HADHA: variants seen among roughly 807,000 people sequenced by gnomAD.
HADHA encodes trifunctional enzyme subunit alpha, mitochondrial.
In HADHA, 59 loss-of-function variants were observed where a neutral mutation model predicts 91.3. That is an observed-to-expected ratio of 0.65 (90% CI 0.52 to 0.80). The LOEUF is 0.80. HADHA is among the 30% of genes least tolerant of loss of function. The pLI, the probability that HADHA is intolerant of heterozygous loss-of-function variation, is 0.00. For missense variants in HADHA, 800 were observed against 927.6 expected (o/e 0.86, Z 1.79); for synonymous variants, 320 against 338.9 (o/e 0.94, Z 0.61).
intron 13 of HADHA, among the ~76,000 whole-genome samples, chr2:26,198,383 T>G (rs1041369156): frequency 4.6e-4 from 70 of 152,032 alleles, no homozygotes; most frequent in African/African-American, 1.5e-3. Context: ...TTTTTTTGTT[T>G]TTTTTTTTTA....
At chr2:26,242,641 G>A (rs1478059793) in intron 1 of HADHA, among the ~76,000 whole-genome samples, 2 of 152,182 alleles carry the variant, frequency 1.3e-5, no homozygotes. Context: ...ACACAAGGTG[G>A]TATTATTCCC....
In HADHA at chr2:26,191,562, C is replaced by CCACATGTGAATG; in HGVS notation, c.2066_2067insCATTCACATGTG (p.Leu689_Gln690insIleHisMetTrp). On this transcript the variant is annotated inframe_insertion, in exon 19 of 20. Transcript: ENST00000380649. ...CAGGTGTGGCCAAGATCCCCTCTTG[C>CCACATGTGAATG]AGGCACATGACTGCCTCATTCACAA... 1 of 1,614,152 alleles carries CCACATGTGAATG rather than the reference C, an allele frequency of 6.2e-7. No homozygotes were observed.
In HADHA at chr2:26,192,420, A is replaced by G. The variant is rs1331075824; in HGVS notation, c.1890T>C (p.Arg630=). The change falls in exon 18 of 20, where the codon CGT becomes CGC. Residue 630 remains arginine, a synonymous_variant. Coordinates refer to ENST00000380649, the MANE Select transcript of HADHA (RefSeq NM_000182.5). ...AGATGTAAAAGCCCTTCCCAGATTT[A>G]CGACCTAAAACAGGCAAGAAAAGGG... The part of the protein sequence containing the change: ...TQMVSKGFLG[R]KSGKGFYIYQ... 9 of 1,514,640 alleles carry G rather than the reference A, an allele frequency of 5.9e-6. No individual in the cohort carries two copies. Among genetic ancestry groups the G allele is most frequent in the East Asian group, 2.2e-5 (1 of 44,462 alleles). 93.8% of individuals were successfully genotyped at this position (1,514,640 alleles called of 1,614,324 possible). A position where few individuals can be genotyped will look rare whatever the true frequency, so the allele number is the denominator to read the frequency against.
intron 10 of HADHA, among the ~76,000 whole-genome samples, chr2:26,211,263 T>A (rs990999496): frequency 5.9e-5 from 9 of 152,334 alleles, no homozygotes; most frequent in Non-Finnish European, 4.4e-5. Context: ...GTTATATTTT[T>A]AAAAAATCAG....
chr2:26,216,735 G>A (rs1230491486), intron 7 of HADHA, among the ~76,000 whole-genome samples: 1 of 152,130 alleles, frequency 6.6e-6, no homozygotes, highest in Non-Finnish European at 1.5e-5. Flanking sequence ...TAATCCTGAG[G>A]GAGGCCAGGG....
chr2:26,228,249 G>A (rs2147778602), intron 7 of HADHA, among the ~76,000 whole-genome samples: 1 of 151,918 alleles, frequency 6.6e-6, no homozygotes, highest in South Asian at 2.1e-4. Context: ...TCCTACCTTA[G>A]CCTCCCAAGT....
Position 26,201,271 on chromosome 2 carries a change from A to G in HADHA, c.1270T>C (p.Ser424Pro), listed in dbSNP as rs200315230. The G allele has an allele frequency of 1.4e-5, 22 of 1,611,696 alleles. No individual in the cohort carries two copies. The highest frequency in any genetic ancestry group is 1.8e-5 in the Non-Finnish European group (21 of 1,177,882). ...TGCCCAGTCAAGTTGCTGAAGATGGAATCCCTTTCAAATGATGTTAGAGCT... is the reference window on the plus strand; with the variant it reads ...TGCCCAGTCAAGTTGCTGAAGATGGGATCCCTTTCAAATGATGTTAGAGCT... ...KKALTSFERD[S>P]IFSNLTGQLD... Residue 424 changes from serine to proline, a missense_variant, in exon 13 of 20, where the codon TCC becomes CCC. Transcript: ENST00000380649.
chr2:26,202,449 A>C (rs1473272251), intron 12 of HADHA, among the ~76,000 whole-genome samples: 1 of 152,186 alleles, frequency 6.6e-6, no homozygotes, highest in South Asian at 2.1e-4. Context: ...TATTCAAAGA[A>C]GGTCTTAAGG....
chr2:26,204,742 C>T (rs181045526), intron 11 of HADHA, among the ~76,000 whole-genome samples: 60 of 152,224 alleles, frequency 3.9e-4, no homozygotes, highest in Non-Finnish European at 5.0e-4. Context: ...TATCACCACT[C>T]CTGGCTAATT....
In HADHA at chr2:26,221,546, G is replaced by C. The variant is rs6546848; in HGVS notation, c.677-6371C>G. On this transcript the variant is annotated intron_variant, in intron 7 of 19. Coordinates refer to ENST00000380649, the MANE Select transcript of HADHA (RefSeq NM_000182.5). This position sits in a 1 kb window ranked among gnomAD's most constrained non-coding sequence, Gnocchi z 4.8. ...CACGGTAGCACTCCATTATCAAATG[G>C]AAGTGGTATATGTAAGACTGGGCTT... Among the ~76,000 whole-genome samples, 121,490 of 152,104 alleles carry C rather than the reference G, an allele frequency of 0.8. 48,581 individuals carry two copies. Among genetic ancestry groups the C allele is most frequent in the African/African-American group, 0.85 (35,403 of 41,516 alleles).
intron 9 of HADHA, among the ~76,000 whole-genome samples, chr2:26,213,055 GA>G (rs1356324238): frequency 6.6e-6 from 1 of 152,030 alleles, no homozygotes; most frequent in Non-Finnish European, 1.5e-5. Context: ...TATAAAAGAT[GA>G]AAAAAATAAC....
intron 7 of HADHA, among the ~76,000 whole-genome samples, chr2:26,215,382 C>T (rs145716380): frequency 2.0e-5 from 3 of 152,232 alleles, no homozygotes; most frequent in South Asian, 2.1e-4. Flanking sequence ...AGGTAGAAAA[C>T]GCGGTCTTTA....
intron 4 of HADHA, among the ~76,000 whole-genome samples, chr2:26,234,692 G>C (rs1670705416): frequency 6.6e-6 from 1 of 151,848 alleles, no homozygotes; most frequent in Non-Finnish European, 1.5e-5. Context: ...TGTGAAACCG[G>C]GAGGTGGAGC....
intron 7 of HADHA, among the ~76,000 whole-genome samples, chr2:26,215,719 G>A (rs1377645990): frequency 6.6e-6 from 1 of 152,132 alleles, no homozygotes; most frequent in East Asian, 1.9e-4. Context: ...AGTTTTTGGT[G>A]GTCATGTACA....
intron 16 of HADHA, 121 bp downstream of exon 16, chr2:26,194,449 C>T (rs915097410): frequency 5.3e-5 from 40 of 751,054 alleles, no homozygotes; most frequent in African/African-American, 5.3e-4. Context: ...CAGGGACCTT[C>T]CTAGACAAGA....
intron 1 of HADHA, among the ~76,000 whole-genome samples, chr2:26,239,473 G>A (rs925443891): frequency 3.3e-5 from 5 of 152,132 alleles, no homozygotes; most frequent in African/African-American, 1.2e-4. Context: ...TATCCAGGTG[G>A]GCCCAGTGTA....
chr2:26,244,150 CG>C (rs1247457877), intron 1 of HADHA, among the ~76,000 whole-genome samples: 5 of 152,198 alleles, frequency 3.3e-5, no homozygotes, highest in Admixed American at 2.0e-4. Context: ...GCTCTTGTTG[CG>C]GGGCAAGGTG....
intron 11 of HADHA, among the ~76,000 whole-genome samples, chr2:26,207,735 A>G (rs1386493811): frequency 6.6e-6 from 1 of 152,222 alleles, no homozygotes; most frequent in African/African-American, 2.4e-5. Flanking sequence ...GGAATGCATA[A>G]CATGGTACCT....
Position 26,214,519 on chromosome 2 carries a change from T to G in HADHA, c.842A>C (p.Gln281Pro). 1 of 1,608,262 alleles carries G rather than the reference T, an allele frequency of 6.2e-7. No homozygotes were observed. Among genetic ancestry groups the G allele is most frequent in the South Asian group, 1.1e-5 (1 of 90,948 alleles). The change falls in exon 9 of 20, where the codon CAG becomes CCG. Residue 281 changes from glutamine to proline, a missense_variant. Coordinates refer to ENST00000380649, the MANE Select transcript of HADHA (RefSeq NM_000182.5). The surrounding 1 kb of genome is among the most constrained non-coding windows in gnomAD (Gnocchi z 4.1). ...YAMTIPFVRQ[Q>P]VYKKVEEKVR... Reference sequence around the variant, plus strand: ...TTTTTCTTCCACTTTTTTGTAAACCTGTTGCCTGACAAATGGAATAGTCAT... The same window carrying G: ...TTTTTCTTCCACTTTTTTGTAAACCGGTTGCCTGACAAATGGAATAGTCAT...
Sources: gnomAD v4.1 joint callset for allele counts (sites outside exome capture counted in the v4.1 genomes callset) on GRCh38, gnomAD v4.1.1 for gene constraint, Gnocchi (gnomAD v3.1) non-coding constraint, MANE v1.5 for transcripts, NCBI Gene and HGNC (gene_info 2026-07-23, HGNC 2026-07-21) for gene names.